ADARB2: variants seen among roughly 807,000 people sequenced by gnomAD.
The protein encoded by ADARB2 is inactive double-stranded RNA-specific editase B2.
In ADARB2, 25 loss-of-function variants were observed where a neutral mutation model predicts 62.2. That is an observed-to-expected ratio of 0.40 (90% confidence interval 0.29 to 0.56). The LOEUF (loss-of-function observed/expected upper bound fraction) is 0.56, where lower values mean the gene tolerates loss of function less well. Ranked by LOEUF, ADARB2 falls within the 20% of genes least tolerant of loss-of-function variation. The probability of loss-of-function intolerance (pLI) is 0.43; values close to 1 mark genes in which losing one functional copy is unlikely to be tolerated. For synonymous variants in ADARB2, 572 were observed against 500.8 expected (o/e 1.14, Z -1.90); for missense variants, 1,071 against 1,077.4 (o/e 0.99, Z 0.08).
intron 1 of ADARB2, among the ~76,000 whole-genome samples, chr10:1,524,645 GCAGA>G (rs1832117936): frequency 1.3e-5 from 2 of 152,280 alleles, no homozygotes; most frequent in South Asian, 4.1e-4. Context: ...TTTGCTGTAG[GCAGA>G]CACTTTCCTC....
chr10:1,264,878 A>G (rs1024925265), intron 4 of ADARB2, among the ~76,000 whole-genome samples: 9 of 152,258 alleles, frequency 5.9e-5, no homozygotes, highest in Non-Finnish European at 1.5e-5. Context: ...GCTGGACCTT[A>G]GTTTAAATGG....
chr10:1,737,018 G>T (rs769481366), intron 1 of ADARB2, 33 bp downstream of exon 1: 2 of 1,604,638 alleles, frequency 1.2e-6, no homozygotes, highest in Admixed American at 1.7e-5. Flanking sequence ...GGGGTGAAGG[G>T]GGGCAGGGGC....
chr10:1,524,430 G>C (rs1407168122), intron 1 of ADARB2, among the ~76,000 whole-genome samples: 1 of 152,168 alleles, frequency 6.6e-6, no homozygotes, highest in Non-Finnish European at 1.5e-5. Context: ...CCATGTTTGT[G>C]ATCTTCTGGG....
intron 1 of ADARB2, among the ~76,000 whole-genome samples, chr10:1,683,563 G>A (rs1481533735): frequency 1.3e-5 from 2 of 152,144 alleles, no homozygotes; most frequent in East Asian, 1.9e-4. Flanking sequence ...CCTCAGATCC[G>A]CTTGGGTCTT....
intron 1 of ADARB2, among the ~76,000 whole-genome samples, chr10:1,391,291 T>A (rs1258992346): frequency 1.3e-5 from 2 of 152,192 alleles, no homozygotes; most frequent in Admixed American, 1.3e-4. Context: ...GCTCAGCCTA[T>A]GAGGGACTGG....
At chr10:1,506,254 C>A (rs1481915672) in intron 1 of ADARB2, among the ~76,000 whole-genome samples, 1 of 152,044 alleles carries the variant, frequency 6.6e-6, no homozygotes, top group African/African-American at 2.4e-5. Context: ...TTTTGTCGTG[C>A]GGCTCATTTC....
At chr10:1,300,637 G>C (rs1386572905) in intron 3 of ADARB2, among the ~76,000 whole-genome samples, 1 of 152,218 alleles carries the variant, frequency 6.6e-6, no homozygotes, top group Admixed American at 6.5e-5. Context: ...CATAGCAATT[G>C]TATCTTCCTC....
intron 6 of ADARB2, among the ~76,000 whole-genome samples, chr10:1,226,458 C>T (rs1830747273): frequency 1.3e-5 from 2 of 152,170 alleles, no homozygotes; most frequent in South Asian, 4.1e-4. Context: ...GTGAGGCACT[C>T]CATTCCTTTG....
intron 3 of ADARB2, among the ~76,000 whole-genome samples, chr10:1,320,721 A>G (rs1270109732): frequency 1.3e-5 from 2 of 152,254 alleles, no homozygotes; most frequent in East Asian, 1.9e-4. Flanking sequence ...CTATTTTTCT[A>G]TAATGAGAGA....
chr10:1,380,512 T>C (rs779595166), intron 1 of ADARB2, among the ~76,000 whole-genome samples: 61 of 152,366 alleles, frequency 4.0e-4, no homozygotes, highest in Non-Finnish European at 8.7e-4. Context: ...TGGTTTCATC[T>C]GCCCTTGGCC....
At chr10:1,280,049 T>C (rs893259438) in intron 3 of ADARB2, among the ~76,000 whole-genome samples, 13 of 152,218 alleles carry the variant, frequency 8.5e-5, no homozygotes, top group African/African-American at 3.1e-4. Context: ...GACAGGATGT[T>C]CTCAACTGAA....
chr10:1,545,433 A>G (rs1832504025), intron 1 of ADARB2, among the ~76,000 whole-genome samples: 1 of 152,216 alleles, frequency 6.6e-6, no homozygotes, highest in Non-Finnish European at 1.5e-5. Context: ...GATAAAGGAA[A>G]ACAAGTAGAA....
chr10:1,657,345 G>A (rs1834184504), intron 1 of ADARB2, among the ~76,000 whole-genome samples: 1 of 152,088 alleles, frequency 6.6e-6, no homozygotes, highest in South Asian at 2.1e-4. Flanking sequence ...TTTAGCCTAG[G>A]GAAAAGAAAG....
intron 1 of ADARB2, among the ~76,000 whole-genome samples, chr10:1,550,896 TG>T (rs1235879893): frequency 6.6e-6 from 1 of 152,014 alleles, no homozygotes; most frequent in African/African-American, 2.4e-5. Flanking sequence ...ACAGGAAGAA[TG>T]GTGTGGAGTT....
At chr10:1,431,275 T>G (rs1253324344) in intron 1 of ADARB2, among the ~76,000 whole-genome samples, 2 of 152,052 alleles carry the variant, frequency 1.3e-5, no homozygotes, top group East Asian at 3.8e-4. Context: ...AAATCAATAA[T>G]AGAAAGACAA....
chr10:1,535,728 C>G (rs542586953), intron 1 of ADARB2: 2 of 167,218 alleles, frequency 1.2e-5, no homozygotes, highest in African/African-American at 4.8e-5. Context: ...CACCCTGTCC[C>G]GGGTGGCTCG....
In ADARB2 at chr10:1,363,366, G is replaced by C; in HGVS notation, c.739C>G (p.Leu247Val). The change falls in exon 3 of 10, where the codon CTG becomes GTG. Residue 247 changes from leucine to valine, a missense_variant. Leu to Val is a conservative substitution (Grantham distance 32). Coordinates refer to ENST00000381312, the MANE Select transcript of ADARB2 (RefSeq NM_018702.4). ...CGCCGTCGCCCGTAGGCCGCGGACAGAAGCGCGGCGTCCCCGGGGCGGCCT... is the reference window on the plus strand; with the variant it reads ...CGCCGTCGCCCGTAGGCCGCGGACACAAGCGCGGCGTCCCCGGGGCGGCCT... ...AGGRPGDAALLSAAYGRRRLL... is the reference protein window; with the variant it reads ...AGGRPGDAALVSAAYGRRRLL... 3.0e-6 allele frequency: 4 copies of C among 1,314,338 alleles called. No homozygotes were observed. The highest frequency in any genetic ancestry group is 3.9e-6 in the Non-Finnish European group (4 of 1,032,088). The allele number at this position is 1,314,338 out of a possible 1,614,324, so 81.4% of individuals were successfully genotyped here.
Position 1,687,977 on chromosome 10 carries a change from G to T in ADARB2, c.100+49074C>A, listed in dbSNP as rs189754655. On this transcript the variant is annotated intron_variant, in intron 1 of 9. Transcript: ENST00000381312. ...TTGGATTCACAGCCTACTTTTAAAG[G>T]CTCTGAGCAGATGGCACTTTGCTTA... Among the ~76,000 whole-genome samples, 26 of 152,330 alleles carry T rather than the reference G, an allele frequency of 1.7e-4. No individual in the cohort carries two copies. In the East Asian group the frequency reaches 4.8e-3, roughly 28 times the overall value.
chr10:1,687,596 A>C (rs774085037), intron 1 of ADARB2, among the ~76,000 whole-genome samples: 38 of 152,140 alleles, frequency 2.5e-4, no homozygotes, highest in Non-Finnish European at 3.8e-4. Flanking sequence ...CATTAGATTC[A>C]AAAATAAATT....
Sources: allele counts gnomAD v4.1 joint callset (sites outside exome capture counted in the v4.1 genomes callset), GRCh38; gene constraint gnomAD v4.1.1; transcripts MANE v1.5; gene names NCBI Gene and HGNC (gene_info 2026-07-23, HGNC 2026-07-21).